Variants in SPAG16 observed in about 807,000 individuals in gnomAD.
SPAG16 encodes the protein sperm-associated antigen 16 protein.
In SPAG16, 86 loss-of-function variants were observed where a neutral mutation model predicts 80.4. That is an observed-to-expected ratio of 1.07 (90% CI 0.90 to 1.28). The LOEUF (loss-of-function observed/expected upper bound fraction) is 1.28, where lower values mean the gene tolerates loss of function less well. Among genes scored for constraint, SPAG16 ranks in the 50% most tolerant of loss-of-function variants. The probability of loss-of-function intolerance (pLI) is 0.00; values close to 1 mark genes in which losing one functional copy is unlikely to be tolerated. For synonymous variants in SPAG16, 294 were observed against 265.9 expected (o/e 1.11, Z -1.03); for missense variants, 870 against 765.3 (o/e 1.14, Z -1.61).
chr2:213,735,539 A>T (rs1442907278), intron 10 of SPAG16, among the ~76,000 whole-genome samples: 1 of 152,180 alleles, frequency 6.6e-6, no homozygotes, highest in Non-Finnish European at 1.5e-5. Flanking sequence ...CCCAGGTTGC[A>T]CTGGGAGTTG....
Position 213,707,128 on chromosome 2 carries a change from G to A in SPAG16, c.1071-155357G>A, listed in dbSNP as rs996329170. On this transcript the variant is annotated intron_variant, in intron 10 of 15. Transcript: ENST00000331683. ...GTGACTATACAAGGATGTGAAAAAC[G>A]GGAAGCAAAGATTATTAGGCACCAT... Among the ~76,000 whole-genome samples, 10 of 152,250 alleles carry A rather than the reference G, an allele frequency of 6.6e-5. No individual in the cohort carries two copies. The South Asian group carries it at 1.5e-3, about 22-fold the overall frequency.
At chr2:214,199,367 C>G (rs1360795621) in intron 15 of SPAG16, among the ~76,000 whole-genome samples, 1 of 152,094 alleles carries the variant, frequency 6.6e-6, no homozygotes, top group Non-Finnish European at 1.5e-5. Context: ...GGTGTCCTTT[C>G]CCCAATTTGT....
intron 10 of SPAG16, among the ~76,000 whole-genome samples, chr2:213,512,837 AGACTGCCAAC>A (rs1357685632): frequency 6.6e-6 from 1 of 152,116 alleles, no homozygotes; most frequent in African/African-American, 2.4e-5. Flanking sequence ...GACTTGAAAG[AGACTGCCAAC>A]AATCAAACCT....
chr2:213,412,256 G>A (rs979640072), intron 9 of SPAG16, among the ~76,000 whole-genome samples: 2 of 152,096 alleles, frequency 1.3e-5, no homozygotes, highest in Admixed American at 6.6e-5. Flanking sequence ...TTAGCCAATC[G>A]GAATTAGTTT....
At chr2:214,144,249 T>C (rs899167340) in intron 14 of SPAG16, among the ~76,000 whole-genome samples, 7 of 152,186 alleles carry the variant, frequency 4.6e-5, no homozygotes, top group South Asian at 2.1e-4. Flanking sequence ...ATAACTGTTA[T>C]CTTTGAGGAG....
intron 15 of SPAG16, among the ~76,000 whole-genome samples, chr2:214,357,774 C>G (rs1698916941): frequency 6.6e-6 from 1 of 151,678 alleles, no homozygotes; most frequent in Non-Finnish European, 1.5e-5. Flanking sequence ...TTTATTGTGA[C>G]CTCTGTTTCA....
At chr2:214,109,671 G>T (rs1234342734) in intron 14 of SPAG16, among the ~76,000 whole-genome samples, 3 of 152,098 alleles carry the variant, frequency 2.0e-5, no homozygotes, top group Non-Finnish European at 4.4e-5. Context: ...TTAATGATGG[G>T]CTCAACCAAA....
At chr2:214,238,160 T>C (rs9288491) in intron 15 of SPAG16, 75,792 of 434,132 alleles carry the variant, frequency 0.17, 7,483 homozygotes, top group Admixed American at 0.25. Flanking sequence ...CTTTATAGAC[T>C]AGGAGCTCAG....
chr2:213,320,854 A>G (rs1486421780), intron 5 of SPAG16, among the ~76,000 whole-genome samples: 2 of 151,956 alleles, frequency 1.3e-5, no homozygotes, highest in Non-Finnish European at 2.9e-5. Context: ...ATTCTTGGCT[A>G]TTGTGAATAG....
At chr2:213,660,282 T>C (rs2063372160) in intron 10 of SPAG16, among the ~76,000 whole-genome samples, 1 of 151,928 alleles carries the variant, frequency 6.6e-6, no homozygotes, top group Non-Finnish European at 1.5e-5. Context: ...GTTTTTTTTT[T>C]TTTTCTGAGA....
At chr2:213,680,116 C>T (rs1454869958) in intron 10 of SPAG16, among the ~76,000 whole-genome samples, 4 of 152,086 alleles carry the variant, frequency 2.6e-5, no homozygotes, top group Non-Finnish European at 4.4e-5. Flanking sequence ...GGGAGAGAGG[C>T]TTCATAGTGT....
rs554863019 is a variant in SPAG16 at position 213,344,181 on chromosome 2, A to C, written c.644+3911A>C. ...AAATATCTTTCCCCAGTACATAGTC[A>C]CTCAATTAAATAGCCAGGGGTAATT... On this transcript the variant is annotated intron_variant, in intron 6 of 15. Coordinates refer to ENST00000331683, the MANE Select transcript of SPAG16 (RefSeq NM_024532.5). 2.0e-5 allele frequency among the ~76,000 whole-genome samples: 3 copies of C among 152,228 alleles called. No homozygotes were observed. The East Asian group carries it at 5.8e-4, about 29-fold the overall frequency.
At chr2:214,301,435 C>T (rs1694546058) in intron 15 of SPAG16, among the ~76,000 whole-genome samples, 1 of 152,110 alleles carries the variant, frequency 6.6e-6, no homozygotes. Context: ...TCTCACCACT[C>T]CTATTTAACA....
At chr2:213,745,141 C>T (rs2067757480) in intron 10 of SPAG16, among the ~76,000 whole-genome samples, 1 of 152,068 alleles carries the variant, frequency 6.6e-6, no homozygotes, top group African/African-American at 2.4e-5. Flanking sequence ...TTATACAATG[C>T]AATTAATTAA....
chr2:213,980,574 GTATATGTATATATAGAA>G lies in SPAG16; in HGVS notation c.1401-33363_1401-33347del, dbSNP rs201910307. Among the ~76,000 whole-genome samples, 775 of 107,220 alleles carry G rather than the reference GTATATGTATATATAGAA, an allele frequency of 7.2e-3. 5 individuals carry two copies. The highest frequency in any genetic ancestry group is 0.023 in the African/African-American group (744 of 32,328). 70.3% of individuals were successfully genotyped at this position (107,220 alleles called of 152,430 possible). On this transcript the variant is annotated intron_variant, in intron 12 of 15. Transcript: ENST00000331683. ...TAGAATATATGTGTATATATAGAGA[GTATATGTATATATAGAA>G]TATATGTATATATGGAGTATATGTA...
chr2:213,492,367 A>G lies in SPAG16; in HGVS notation c.1070+2277A>G, dbSNP rs531637114. ...AGATTGAGACCATCCTGGCTAACAC[A>G]GTGAAACCCTCTCTCTACTAAAAAT... On this transcript the variant is annotated intron_variant, in intron 10 of 15. Transcript: ENST00000331683. Among the ~76,000 whole-genome samples, 23 of 152,090 alleles carry G rather than the reference A, an allele frequency of 1.5e-4. No homozygotes were observed. In the South Asian group the frequency reaches 2.9e-3, roughly 19 times the overall value.
intron 10 of SPAG16, among the ~76,000 whole-genome samples, chr2:213,634,607 G>C (rs568279288): frequency 3.9e-4 from 59 of 151,878 alleles, no homozygotes; most frequent in Non-Finnish European, 4.9e-4. Context: ...TTATTTATTT[G>C]TTTATTATTT....
At chr2:213,406,936 T>TAAAAA (rs60707204) in intron 9 of SPAG16, among the ~76,000 whole-genome samples, 2 of 122,466 alleles carry the variant, frequency 1.6e-5, no homozygotes, top group African/African-American at 2.9e-5. Flanking sequence ...GACGCGGATT[T>TAAAAA]AAAAAAAAAA....
At chr2:214,194,351 C>T (rs182512401) in intron 15 of SPAG16, among the ~76,000 whole-genome samples, 1 of 152,168 alleles carries the variant, frequency 6.6e-6, no homozygotes, top group Non-Finnish European at 1.5e-5. Context: ...ACTGTATCCT[C>T]TTCCTCATAC....
Sources: allele counts gnomAD v4.1 joint callset (sites outside exome capture counted in the v4.1 genomes callset), GRCh38; gene constraint gnomAD v4.1.1; transcripts MANE v1.5; gene names NCBI Gene and HGNC (gene_info 2026-07-23, HGNC 2026-07-21).